FNDC1: variants seen among roughly 807,000 people sequenced by gnomAD.
FNDC1 encodes fibronectin type III domain-containing protein 1.
FNDC1 carries 96 observed loss-of-function variants against 168.0 expected under a neutral mutation model. That is an observed-to-expected ratio of 0.57 (90% confidence interval 0.48 to 0.68). The LOEUF (loss-of-function observed/expected upper bound fraction) is 0.68, where lower values mean the gene tolerates loss of function less well. Among genes scored for constraint, FNDC1 ranks in the 30% least tolerant of loss-of-function variants. The pLI is 0.00. For missense variants in FNDC1, 2,587 were observed against 2,482.1 expected (o/e 1.04, Z -0.90); for synonymous variants, 1,099 against 1,025.9 (o/e 1.07, Z -1.36).
At chr6:159,234,504 T>G (rs1278690580) in intron 11 of FNDC1, 25 bp downstream of exon 11, 1 of 1,609,190 alleles carries the variant, frequency 6.2e-7, no homozygotes. Flanking sequence ...CAAACAGTCT[T>G]TCTTTAAGGT....
At chr6:159,260,820 G>A (rs545661262) in intron 18 of FNDC1, among the ~76,000 whole-genome samples, 1 of 152,332 alleles carries the variant, frequency 6.6e-6, no homozygotes, top group African/African-American at 2.4e-5. Flanking sequence ...GGAGTCCAGA[G>A]TCTTAAACCT....
intron 14 of FNDC1, among the ~76,000 whole-genome samples, chr6:159,243,859 C>T (rs766507476): frequency 6.6e-6 from 1 of 151,962 alleles, no homozygotes. Flanking sequence ...CCAAAATCAC[C>T]CAGTAGATTG....
In FNDC1 at chr6:159,236,262, A is replaced by G; in HGVS notation, c.4015A>G (p.Asn1339Asp). ...AGAAGGGAAAGTCCTTCCTGGTAGT[A>G]ATGGAAAACCGAATGGACAGAGAAT... ...NVEGKVLPGS[N>D]GKPNGQRIIN... Residue 1339 changes from asparagine (N) to aspartate (D), a missense_variant, in exon 12 of 23, where the codon AAT becomes GAT. Asn to Asp is a conservative substitution (Grantham distance 23). Transcript: ENST00000297267. 6.2e-7 allele frequency: 1 copy of G among 1,613,860 alleles called. No individual in the cohort carries two copies. Among genetic ancestry groups the G allele is most frequent in the Non-Finnish European group, 8.5e-7 (1 of 1,179,792 alleles).
At position 159,223,662 on chromosome 6, in the gene FNDC1, A is replaced by G. The variant is rs1457743788; in HGVS notation, c.884+17A>G. The G allele has an allele frequency of 6.6e-7, 1 of 1,505,594 alleles. No individual in the cohort carries two copies. Among genetic ancestry groups the G allele is most frequent in the South Asian group, 1.1e-5 (1 of 87,870 alleles). The allele number at this position is 1,505,594 out of a possible 1,614,324, so 93.3% of individuals were successfully genotyped here. On this transcript the variant is annotated intron_variant, in intron 7 of 22. Transcript: ENST00000297267. The stretch of plus-strand genomic sequence containing the variant: ...TGCATCAAGGTACTTTTGCTTATTT[A>G]TTTGTCTTTATATATGAGAGATGGG...
intron 4 of FNDC1, among the ~76,000 whole-genome samples, chr6:159,204,262 A>G (rs1782439700): frequency 2.0e-5 from 3 of 152,168 alleles, no homozygotes; most frequent in African/African-American, 7.2e-5. Context: ...CAGCAACTTC[A>G]GGCACTTGCC....
intron 16 of FNDC1, among the ~76,000 whole-genome samples, chr6:159,250,811 G>T (rs1327739770): frequency 6.6e-6 from 1 of 152,162 alleles, no homozygotes; most frequent in African/African-American, 2.4e-5. Context: ...AGATTGTTGT[G>T]GTGGTTTATG....
Position 159,239,813 on chromosome 6 carries a change from A to T in FNDC1, c.4477A>T (p.Thr1493Ser). 6.5e-7 allele frequency: 1 copy of T among 1,546,480 alleles called. No individual in the cohort carries two copies. The highest frequency in any genetic ancestry group is 1.2e-5 in the South Asian group (1 of 83,784). ...CAGGCGTCCAACAACCACAGTCCGA[A>T]CCACTACGCGGACAACCACCACCAC... is the stretch of plus-strand genomic sequence containing the variant. ...TTRRPTTTVR[T>S]TTRTTTTTTP... Residue 1493 changes from threonine to serine, a missense_variant, in exon 14 of 23, where the codon ACC becomes TCC. Transcript: ENST00000297267.
chr6:159,263,371 G>A (rs905881460), intron 19 of FNDC1, among the ~76,000 whole-genome samples: 8 of 152,102 alleles, frequency 5.3e-5, no homozygotes, highest in African/African-American at 1.7e-4. Flanking sequence ...AACATTCATA[G>A]GATACATATC....
Position 159,214,935 on chromosome 6 carries a change from C to T in FNDC1, c.461-10C>T. On this transcript the variant is annotated splice_polypyrimidine_tract_variant and intron_variant, in intron 4 of 22. Transcript: ENST00000297267. The stretch of plus-strand genomic sequence containing the variant: ...CTGTCTAACCACTTTTGTGTCCTGC[C>T]CTCTTTAAGAAAAGGAAGTGCCCAA... 1 of 1,613,294 alleles carries T rather than the reference C, an allele frequency of 6.2e-7. No individual in the cohort carries two copies. Among genetic ancestry groups the T allele is most frequent in the Non-Finnish European group, 8.5e-7 (1 of 1,179,644 alleles).
At position 159,234,280 on chromosome 6, in the gene FNDC1, C is replaced by A. The variant is rs1249331885; in HGVS notation, c.3768C>A (p.His1256Gln). The change falls in exon 11 of 23, where the codon CAC (histidine) becomes CAA (glutamine). Residue 1256 changes from histidine (H) to glutamine (Q), a missense_variant. By Grantham distance (24) the His-to-Gln change is conservative (BLOSUM62 0). Transcript: ENST00000297267. ...PPPGSSPRAS[H>Q]VPSRLPPRSA... The stretch of plus-strand genomic sequence containing the variant: ...CAGGCAGCTCCCCCAGGGCCTCCCA[C>A]GTCCCTTCCCGACTGCCGCCTCGCA... 2.5e-6 allele frequency: 4 copies of A among 1,598,452 alleles called. No individual in the cohort carries two copies. The African/African-American group carries it at 4.0e-5, about 16-fold the overall frequency.
chr6:159,245,607 A>G (rs1421427428), intron 14 of FNDC1, among the ~76,000 whole-genome samples: 1 of 152,178 alleles, frequency 6.6e-6, no homozygotes, highest in Non-Finnish European at 1.5e-5. Context: ...ATTCCATCAC[A>G]TCTTTCCCAA....
intron 12 of FNDC1, among the ~76,000 whole-genome samples, chr6:159,238,284 A>C (rs767818061): frequency 1.9e-4 from 29 of 151,988 alleles, no homozygotes; most frequent in Non-Finnish European, 3.2e-4. Flanking sequence ...TTTTTAGTAG[A>C]GACGGGGTTT....
intron 14 of FNDC1, chr6:159,240,817 G>A (rs1783402605): frequency 6.6e-6 from 1 of 152,194 alleles, no homozygotes; most frequent in Admixed American, 6.5e-5. Context: ...ATCAGGCATG[G>A]AGGAGAGAGA....
chr6:159,251,549 A>G lies in FNDC1; in HGVS notation c.5065+17A>G, dbSNP rs778388305. 1.2e-6 allele frequency: 2 copies of G among 1,603,216 alleles called. No homozygotes were observed. Among genetic ancestry groups the G allele is most frequent in the Admixed American group, 1.7e-5 (1 of 59,380 alleles). On this transcript the variant is annotated intron_variant, in intron 17 of 22. Coordinates refer to ENST00000297267, the MANE Select transcript of FNDC1 (RefSeq NM_032532.3). ...TGGTCACAGGTGTGTCCTAAGCAGA[A>G]ATCAGAGTTCCCATGATCTGTAGGT...
chr6:159,269,515 C>T (rs201063981), intron 22 of FNDC1, among the ~76,000 whole-genome samples: 5,758 of 47,724 alleles, frequency 0.12, 361 homozygotes, highest in East Asian at 0.23. Context: ...TCCATCCATG[C>T]ATCCATCCAT....
chr6:159,179,229 C>A (rs569858200), intron 1 of FNDC1, among the ~76,000 whole-genome samples: 11 of 152,200 alleles, frequency 7.2e-5, no homozygotes, highest in African/African-American at 2.7e-4. Flanking sequence ...GAAGCCAAGG[C>A]GGGCAGATCA....
At chr6:159,199,015 G>C (rs752342010) in intron 2 of FNDC1, among the ~76,000 whole-genome samples, 11 of 152,370 alleles carry the variant, frequency 7.2e-5, no homozygotes, top group Non-Finnish European at 1.3e-4. Flanking sequence ...CTGGCTTGAG[G>C]ACTGAGTGAA....
rs1412117781 is a variant in FNDC1 at position 159,221,715 on chromosome 6, A to T, written c.766+19A>T. ...ATTTCAGGTATGTTTCTAAGGATGC[A>T]TTTGGTCAAACCATAGTCTGGTATG... On this transcript the variant is annotated intron_variant, in intron 6 of 22. Transcript: ENST00000297267. 3 of 1,582,670 alleles carry T rather than the reference A, an allele frequency of 1.9e-6. No individual in the cohort carries two copies. In the East Asian group the frequency reaches 6.7e-5, roughly 35 times the overall value.
At chr6:159,227,642 T>G (rs955982893) in intron 9 of FNDC1, among the ~76,000 whole-genome samples, 15 of 117,220 alleles carry the variant, frequency 1.3e-4, no homozygotes, top group Non-Finnish European at 2.4e-4. Context: ...CTATTCTTCT[T>G]TCTCTTTTTT....
Sources: allele counts gnomAD v4.1 joint callset (sites outside exome capture counted in the v4.1 genomes callset), GRCh38; gene constraint gnomAD v4.1.1; transcripts MANE v1.5; gene names NCBI Gene and HGNC (gene_info 2026-07-23, HGNC 2026-07-21).